MED12L: variants seen among roughly 807,000 people sequenced by gnomAD.
MED12L encodes mediator complex subunit 12L.
Under a neutral mutation model 281.3 loss-of-function variants are expected in MED12L, and 60 were observed. The observed-to-expected ratio is 0.21, with a 90% CI of 0.17 to 0.26. MED12L has a LOEUF of 0.26. Among genes scored for constraint, MED12L ranks in the 10% least tolerant of loss-of-function variants. The pLI, the probability that MED12L is intolerant of heterozygous loss-of-function variation, is 1.00. For synonymous variants in MED12L, 974 were observed against 987.2 expected, an observed-to-expected ratio of 0.99 and a Z score of 0.25; for missense variants, 2,146 against 2,680.9, an observed-to-expected ratio of 0.80 and a Z score of 4.41.
chr3:151,412,550 G>A (rs1376659855), intron 41 of MED12L, among the ~76,000 whole-genome samples: 2 of 152,192 alleles, frequency 1.3e-5, no homozygotes, highest in African/African-American at 4.8e-5. Context: ...TCTTTGGAAA[G>A]TTAGCAAGGT....
At chr3:151,307,543 G>C (rs1337897828) in intron 16 of MED12L, among the ~76,000 whole-genome samples, 1 of 16,966 alleles carries the variant, frequency 5.9e-5, no homozygotes, top group Non-Finnish European at 8.8e-5. Flanking sequence ...CTGTGTGTGT[G>C]TGTGTGTGTG....
chr3:151,289,243 G>C (rs1023105405), intron 16 of MED12L, among the ~76,000 whole-genome samples: 29 of 152,270 alleles, frequency 1.9e-4, no homozygotes, highest in Admixed American at 9.8e-4. Context: ...AGCTATCCCA[G>C]AGTAAGTGAT....
intron 16 of MED12L, among the ~76,000 whole-genome samples, chr3:151,312,196 GA>G (rs1408434810): frequency 6.6e-6 from 1 of 152,198 alleles, no homozygotes; most frequent in Non-Finnish European, 1.5e-5. Flanking sequence ...CAAGATGGGG[GA>G]CAGGTAGGTC....
intron 13 of MED12L, among the ~76,000 whole-genome samples, chr3:151,189,014 CTG>C (rs1723624489): frequency 6.6e-6 from 1 of 152,118 alleles, no homozygotes; most frequent in Admixed American, 6.5e-5. Flanking sequence ...TGGGTTCAGA[CTG>C]TGGGTGAACA....
intron 16 of MED12L, among the ~76,000 whole-genome samples, chr3:151,223,744 C>T (rs1729893652): frequency 6.6e-6 from 1 of 152,122 alleles, no homozygotes; most frequent in Non-Finnish European, 1.5e-5. Context: ...GTTTTGTGTT[C>T]ACTATTTGGG....
At chr3:151,103,276 T>C (rs937872944) in intron 2 of MED12L, among the ~76,000 whole-genome samples, 5 of 152,238 alleles carry the variant, frequency 3.3e-5, no homozygotes, top group African/African-American at 9.6e-5. Flanking sequence ...GTGTTTGATA[T>C]CAGAGGGTGA....
chr3:151,416,842 T>A (rs1201499428), intron 43 of MED12L, among the ~76,000 whole-genome samples: 2 of 152,208 alleles, frequency 1.3e-5, no homozygotes. Flanking sequence ...TAAGAAATTG[T>A]TTTTCATTCA....
intron 16 of MED12L, chr3:151,327,860 C>G: frequency 1.5e-6 from 1 of 653,522 alleles, no homozygotes; most frequent in Non-Finnish European, 2.5e-6. Context: ...TTTATATAAT[C>G]TTTTCTGTAC....
chr3:151,351,753 C>A (rs1010475658), intron 17 of MED12L, among the ~76,000 whole-genome samples: 1 of 152,086 alleles, frequency 6.6e-6, no homozygotes, highest in Non-Finnish European at 1.5e-5. Flanking sequence ...GAGGGTCTTT[C>A]CAGAGCCTAT....
chr3:151,399,303 A>G (rs1715364290), intron 39 of MED12L, among the ~76,000 whole-genome samples: 1 of 152,220 alleles, frequency 6.6e-6, no homozygotes, highest in Non-Finnish European at 1.5e-5. Flanking sequence ...GCTTATTAGT[A>G]TTTTTATGGT....
chr3:151,300,303 G>A, intron 16 of MED12L: 1 of 604,070 alleles, frequency 1.7e-6, no homozygotes, highest in East Asian at 2.8e-5. Flanking sequence ...GATTCAGAAA[G>A]CATGTGCTCT....
Position 151,336,649 on chromosome 3 carries a change from C to T in MED12L, c.2251-13410C>T, listed in dbSNP as rs146453827. 2,918 of 423,298 alleles carry T rather than the reference C, an allele frequency of 6.9e-3. 23 individuals are homozygous for T. The highest frequency in any genetic ancestry group is 0.012 in the Middle Eastern group (20 of 1,718). The allele number at this position is 423,298 out of a possible 1,614,324, so 26.2% of individuals were successfully genotyped here. A position where few individuals can be genotyped will look rare whatever the true frequency, so the allele number is the denominator to read the frequency against. ...ATATGCCTTGTGTAGAATTAGACTG[C>T]ATGTTATAAGTCTGACCTGTTTTAT... On this transcript the variant is annotated intron_variant, in intron 16 of 44. Transcript: ENST00000687756.
intron 5 of MED12L, among the ~76,000 whole-genome samples, chr3:151,135,228 G>A (rs2148834433): frequency 6.6e-6 from 1 of 152,272 alleles, no homozygotes; most frequent in South Asian, 2.1e-4. Context: ...TGTTGGCCAG[G>A]TTGGTCTTGA....
intron 16 of MED12L, among the ~76,000 whole-genome samples, chr3:151,205,812 A>T (rs1039968633): frequency 6.6e-6 from 1 of 152,220 alleles, no homozygotes; most frequent in African/African-American, 2.4e-5. Context: ...CATCAGGTCA[A>T]TCCGGTCCCC....
chr3:151,114,765 T>C (rs1576755520), intron 2 of MED12L, among the ~76,000 whole-genome samples: 1 of 152,212 alleles, frequency 6.6e-6, no homozygotes, highest in Non-Finnish European at 1.5e-5. Flanking sequence ...TTTTTTTTTT[T>C]TTTCTTTTTT....
At chr3:151,269,064 A>G (rs1376144003) in intron 16 of MED12L, among the ~76,000 whole-genome samples, 2 of 152,114 alleles carry the variant, frequency 1.3e-5, no homozygotes, top group African/African-American at 4.8e-5. Context: ...GGCTTGCTGA[A>G]GAAGGGAGAA....
chr3:151,204,497 A>G (rs1726089573), intron 16 of MED12L, among the ~76,000 whole-genome samples: 1 of 152,228 alleles, frequency 6.6e-6, no homozygotes, highest in Non-Finnish European at 1.5e-5. Context: ...GGGAAAAAGC[A>G]AATGTTTCTC....
At chr3:151,331,466 T>C (rs1264838504) in intron 16 of MED12L, among the ~76,000 whole-genome samples, 3 of 152,238 alleles carry the variant, frequency 2.0e-5, no homozygotes, top group Non-Finnish European at 4.4e-5. Flanking sequence ...AGTATTTGCT[T>C]TACAGTGTTG....
rs1315974225 is a variant in MED12L at position 151,127,833 on chromosome 3, C to G, written c.405C>G (p.Ile135Met). 1.9e-6 allele frequency: 3 copies of G among 1,604,128 alleles called. No individual in the cohort carries two copies. The Admixed American group carries it at 5.0e-5, about 27-fold the overall frequency. The change falls in exon 5 of 45, where the codon ATC becomes ATG. Residue 135 changes from isoleucine (I) to methionine (M), a missense_variant. Transcript: ENST00000687756. ...PLSILAKKVP[I>M]LSKKEDVFAY... ...ATGTTGTTTCTTTTTAGGTTCCTAT[C>G]CTTAGTAAAAAAGAGGATGTTTTTG...
Sources: allele counts gnomAD v4.1 joint callset (sites outside exome capture counted in the v4.1 genomes callset), GRCh38; gene constraint gnomAD v4.1.1; transcripts MANE v1.5; gene names NCBI Gene and HGNC (gene_info 2026-07-23, HGNC 2026-07-21).